Variants in FGF2 observed in about 807,000 individuals in gnomAD.
The protein encoded by FGF2 is basic fibroblast growth factor bFGF.
A neutral mutation model predicts 15.9 loss-of-function variants in FGF2; 13 were observed. The ratio of observed to expected loss-of-function variants is 0.82; its 90% confidence interval spans 0.53 to 1.30. The LOEUF is 1.30. Ranked by LOEUF, FGF2 falls within the 50% of genes most tolerant of loss-of-function variation. FGF2 has a pLI of 0.00. For synonymous variants in FGF2, 90 were observed against 78.4 expected (o/e 1.15, Z -0.78); for missense variants, 163 against 196.9 (o/e 0.83, Z 1.03).
intron 2 of FGF2, among the ~76,000 whole-genome samples, chr4:122,890,345 C>T (rs1469032795): frequency 6.6e-6 from 1 of 152,162 alleles, no homozygotes. Context: ...ATGTGTGCTT[C>T]TCTGTAAGGC....
chr4:122,846,318 A>T (rs893862832), intron 1 of FGF2, among the ~76,000 whole-genome samples: 7 of 152,266 alleles, frequency 4.6e-5, no homozygotes, highest in African/African-American at 1.7e-4. Flanking sequence ...TGTGAGACAG[A>T]CATGAAATGA....
At chr4:122,866,994 T>C (rs373092810) in intron 1 of FGF2, among the ~76,000 whole-genome samples, 1 of 152,228 alleles carries the variant, frequency 6.6e-6, no homozygotes, top group African/African-American at 2.4e-5. Flanking sequence ...TATTTGGTGA[T>C]AAAAAGTAAT....
chr4:122,835,963 C>T (rs1176070747), intron 1 of FGF2, among the ~76,000 whole-genome samples: 1 of 152,200 alleles, frequency 6.6e-6, no homozygotes, highest in Non-Finnish European at 1.5e-5. Context: ...CAACTCCTCC[C>T]ATCCTCACCT....
intron 1 of FGF2, among the ~76,000 whole-genome samples, chr4:122,868,357 G>C (rs1385205739): frequency 6.6e-6 from 1 of 152,142 alleles, no homozygotes; most frequent in Non-Finnish European, 1.5e-5. Context: ...ACTTACGAGA[G>C]AGAACATGCG....
At chr4:122,885,913 C>CTTTTTTTTTTTTT (rs11310783) in intron 2 of FGF2, among the ~76,000 whole-genome samples, 2 of 84,528 alleles carry the variant, frequency 2.4e-5, no homozygotes, top group African/African-American at 6.2e-5. Flanking sequence ...TTTTTTTTTC[C>CTTTTTTTTTTTTT]TTTTTTTTTT....
At chr4:122,857,398 T>C (rs1019416124) in intron 1 of FGF2, among the ~76,000 whole-genome samples, 18 of 152,214 alleles carry the variant, frequency 1.2e-4, no homozygotes, top group Non-Finnish European at 7.4e-5. Flanking sequence ...TGCAGTTCTT[T>C]GCCCCTGTAT....
intron 1 of FGF2, among the ~76,000 whole-genome samples, chr4:122,854,660 G>A (rs755008260): frequency 4.6e-5 from 7 of 152,148 alleles, no homozygotes; most frequent in Admixed American, 1.3e-4. Flanking sequence ...TGTCATGCAG[G>A]GGATGCGGGG....
At chr4:122,873,540 G>A (rs543725559) in intron 1 of FGF2, among the ~76,000 whole-genome samples, 17 of 152,150 alleles carry the variant, frequency 1.1e-4, no homozygotes, top group South Asian at 1.0e-3. Flanking sequence ...TGGTTTCTTC[G>A]TGGTCCCATT....
At chr4:122,880,122 C>T (rs2150785951) in intron 2 of FGF2, among the ~76,000 whole-genome samples, 1 of 152,310 alleles carries the variant, frequency 6.6e-6, no homozygotes, top group East Asian at 1.9e-4. Flanking sequence ...AAGTTAGTTA[C>T]TTCCCAGATA....
At position 122,888,098 on chromosome 4, in the gene FGF2, A is replaced by G. The variant is rs567910454; in HGVS notation, c.283-4113A>G. ...AAAACTGAATTATTAACCTTTTCCT[A>G]TAAAATCTGTTCCTACTCATAGCCC... On this transcript the variant is annotated intron_variant, in intron 2 of 2. Coordinates refer to ENST00000644866, the MANE Select transcript of FGF2 (RefSeq NM_001361665.2). Among the ~76,000 whole-genome samples, 14 of 152,316 alleles carry G rather than the reference A, an allele frequency of 9.2e-5. No homozygotes were observed. In the South Asian group the frequency reaches 2.7e-3, roughly 29 times the overall value.
intron 1 of FGF2, among the ~76,000 whole-genome samples, chr4:122,843,900 A>T (rs1444177247): frequency 6.6e-6 from 1 of 152,244 alleles, no homozygotes; most frequent in Non-Finnish European, 1.5e-5. Flanking sequence ...CTGCTAGTAT[A>T]GGATCTTGCC....
chr4:122,836,429 C>A (rs1205574940), intron 1 of FGF2, among the ~76,000 whole-genome samples: 1 of 152,192 alleles, frequency 6.6e-6, no homozygotes, highest in Non-Finnish European at 1.5e-5. Flanking sequence ...TTCACATCAT[C>A]CTGTATCCAT....
At chr4:122,826,713 C>T, upstream of FGF2, 4 of 1,255,374 alleles carry the variant, frequency 3.2e-6, no homozygotes, top group African/African-American at 3.1e-5. Context: ...GAGGCCGGCC[C>T]CAGAAAACCC....
chr4:122,857,241 T>A (rs951300522), intron 1 of FGF2, among the ~76,000 whole-genome samples: 1 of 152,228 alleles, frequency 6.6e-6, no homozygotes, highest in Non-Finnish European at 1.5e-5. Context: ...GCTCAGATAG[T>A]CAGATAATGT....
chr4:122,846,513 T>A (rs1420688226), intron 1 of FGF2, among the ~76,000 whole-genome samples: 1 of 152,202 alleles, frequency 6.6e-6, no homozygotes, highest in African/African-American at 2.4e-5. Flanking sequence ...AAGGAAACTA[T>A]TGAATAATGC....
intron 1 of FGF2, among the ~76,000 whole-genome samples, chr4:122,862,533 G>A (rs1395764492): frequency 2.0e-5 from 3 of 152,148 alleles, no homozygotes; most frequent in Non-Finnish European, 2.9e-5. Context: ...GAACATTTAA[G>A]TGATTTACTT....
intron 2 of FGF2, among the ~76,000 whole-genome samples, chr4:122,877,276 A>C (rs1290670146): frequency 3.3e-5 from 5 of 151,858 alleles, no homozygotes; most frequent in Admixed American, 1.3e-4. Context: ...TGCCTGGTTA[A>C]TTTTTTTGTA....
intron 1 of FGF2, among the ~76,000 whole-genome samples, chr4:122,860,931 A>G (rs1326835058): frequency 1.3e-5 from 2 of 152,186 alleles, no homozygotes; most frequent in Admixed American, 6.5e-5. Flanking sequence ...TGATTTTTTA[A>G]TGGAGAAAAT....
Position 122,892,592 on chromosome 4 carries a change from C to T in FGF2, c.*196C>T, listed in dbSNP as rs1335727886. 2 of 1,439,920 alleles carry T rather than the reference C, an allele frequency of 1.4e-6. No homozygotes were observed. Among genetic ancestry groups the T allele is most frequent in the Non-Finnish European group, 1.8e-6 (2 of 1,101,798 alleles). 89.2% of individuals were successfully genotyped at this position (1,439,920 alleles called of 1,614,324 possible). On this transcript the variant is annotated 3_prime_UTR_variant, in exon 3 of 3. Transcript: ENST00000644866. ...ACAAAAGTTGTAAAATGTATATTCT[C>T]CCTTTTATATTGCATCTGCTGTTAC...
Sources: allele counts gnomAD v4.1 joint callset (sites outside exome capture counted in the v4.1 genomes callset), GRCh38; gene constraint gnomAD v4.1.1; transcripts MANE v1.5; gene names NCBI Gene and HGNC (gene_info 2026-07-23, HGNC 2026-07-21).